Variants in LRIT3 observed in about 807,000 individuals in gnomAD.
LRIT3 encodes the protein leucine-rich repeat, immunoglobulin-like domain and transmembrane domain-containing protein 3.
Under a neutral mutation model 22.6 loss-of-function variants are expected in LRIT3, and 14 were observed. The observed-to-expected ratio is 0.62, with a 90% CI of 0.41 to 0.97. The LOEUF is 0.97. Ranked by LOEUF, LRIT3 falls within the 50% of genes least tolerant of loss-of-function variation. LRIT3 has a pLI of 0.00. For synonymous variants in LRIT3, 306 were observed against 304.5 expected (o/e 1.01, Z -0.05); for missense variants, 783 against 803.0 (o/e 0.98, Z 0.30).
chr4:109,861,231 G>A (rs113344938), intron 2 of LRIT3, among the ~76,000 whole-genome samples: 21 of 152,006 alleles, frequency 1.4e-4, no homozygotes, highest in African/African-American at 4.8e-4. Flanking sequence ...TTAGCCAGGT[G>A]TGGTGGTGCA....
rs142911827 is a variant in LRIT3, at chr4:109,861,133, C to T, written c.590-6508C>T. Among the ~76,000 whole-genome samples the T allele has an allele frequency of 4.9e-3, 738 of 152,114 alleles. 9 individuals are homozygous for T. The highest frequency in any genetic ancestry group is 0.017 in the African/African-American group (702 of 41,502). ...CCTGTAATCCCAACACTTTGGGAGG[C>T]GAAGGCAGGCAGATCACTTTTAGTC... On this transcript the variant is annotated intron_variant, in intron 2 of 3. Coordinates refer to ENST00000594814, the MANE Select transcript of LRIT3 (RefSeq NM_198506.5).
chr4:109,856,752 A>T (rs1354226190), intron 2 of LRIT3, among the ~76,000 whole-genome samples: 1 of 152,140 alleles, frequency 6.6e-6, no homozygotes, highest in Non-Finnish European at 1.5e-5. Flanking sequence ...TTTGTCTTAG[A>T]TCATTAATTT....
chr4:109,868,277 G>T (rs1403871657), intron 3 of LRIT3, among the ~76,000 whole-genome samples: 3 of 152,048 alleles, frequency 2.0e-5, no homozygotes, highest in Non-Finnish European at 4.4e-5. Flanking sequence ...TTTTTAAAAA[G>T]GGCCTTTTGC....
At chr4:109,864,713 C>T (rs1295447587) in intron 2 of LRIT3, among the ~76,000 whole-genome samples, 4 of 152,108 alleles carry the variant, frequency 2.6e-5, no homozygotes, top group Non-Finnish European at 5.9e-5. Flanking sequence ...AAATAAACTA[C>T]TGAAAGGATT....
chr4:109,857,415 G>C (rs745459289), intron 2 of LRIT3, among the ~76,000 whole-genome samples: 25 of 152,142 alleles, frequency 1.6e-4, no homozygotes, highest in Non-Finnish European at 3.4e-4. Flanking sequence ...TGTGGAAATA[G>C]TAGTGTAAAT....
chr4:109,853,293 C>CA (rs1181301333), intron 2 of LRIT3, among the ~76,000 whole-genome samples: 4 of 152,184 alleles, frequency 2.6e-5, no homozygotes, highest in African/African-American at 9.6e-5. Context: ...CATGAGATTA[C>CA]ATCTCATTGT....
chr4:109,855,097 C>G (rs1251872936), intron 2 of LRIT3, among the ~76,000 whole-genome samples: 3 of 149,944 alleles, frequency 2.0e-5, no homozygotes, highest in Non-Finnish European at 4.5e-5. Context: ...AAATGAATTC[C>G]TGTTTTTCTT....
In LRIT3 at chr4:109,870,201, T is replaced by A; in HGVS notation, c.1452T>A (p.Asn484Lys). 6.2e-7 allele frequency: 1 copy of A among 1,614,170 alleles called. No individual in the cohort carries two copies. Among genetic ancestry groups the A allele is most frequent in the East Asian group, 2.2e-5 (1 of 44,886 alleles). ...LLDQTMLTET[N>K]AAIENLRVVS... Reference sequence around the variant, plus strand: ...ATCAAACAATGCTTACGGAGACAAATGCCGCAATAGAAAACCTCAGGGTGG... The same window carrying A: ...ATCAAACAATGCTTACGGAGACAAAAGCCGCAATAGAAAACCTCAGGGTGG... The change falls in exon 4 of 4, where the codon AAT becomes AAA. Residue 484 changes from asparagine to lysine, a missense_variant. Physicochemically the swap from Asn to Lys is moderately conservative, Grantham distance 94 (BLOSUM62 0). Around this residue, in one of 2 missense-constraint regions of LRIT3, gnomAD observed 756 missense variants for 753.8 expected, o/e 1.00. Transcript: ENST00000594814.
Position 109,870,904 on chromosome 4 carries a change from G to A in LRIT3, c.*115G>A. On this transcript the variant is annotated 3_prime_UTR_variant, in exon 4 of 4. Coordinates refer to ENST00000594814, the MANE Select transcript of LRIT3 (RefSeq NM_198506.5). ...CACATTGTACATGAAAATCACAAAT[G>A]GAATGCTTTTAAGTATGTTTAAAAA... 1 of 1,067,200 alleles carries A rather than the reference G, an allele frequency of 9.4e-7. No individual in the cohort carries two copies. Among genetic ancestry groups the A allele is most frequent in the South Asian group, 2.4e-5 (1 of 40,940 alleles). The allele number at this position is 1,067,200 out of a possible 1,614,324, so 66.1% of individuals were successfully genotyped here.
intron 2 of LRIT3, among the ~76,000 whole-genome samples, chr4:109,856,020 C>T (rs1355759961): frequency 6.6e-6 from 1 of 152,154 alleles, no homozygotes; most frequent in African/African-American, 2.4e-5. Context: ...TTTATAGGCT[C>T]TCCACAAGGG....
intron 2 of LRIT3, 106 bp from the exon 3 acceptor site, chr4:109,867,535 T>A: frequency 1.9e-6 from 2 of 1,064,548 alleles, no homozygotes; most frequent in South Asian, 3.1e-5. Flanking sequence ...CTCAAAGCAC[T>A]TCTGTTTATA....
intron 2 of LRIT3, 57 bp from the exon 3 acceptor site, chr4:109,867,583 GA>G: frequency 7.5e-7 from 1 of 1,336,020 alleles, no homozygotes; most frequent in Non-Finnish European, 1.0e-6. Flanking sequence ...CAAGAGGCAG[GA>G]TGTAAACTGA....
Position 109,867,945 on chromosome 4 carries a change from A to G in LRIT3, c.894A>G (p.Thr298=). ...CTGACAGCTCGCCAGTTAATTATAC[A>G]GGTATTTTCTTAATTCAGCCCCATG... ...TRSDSSPVNY[T]VIQESPEEGV... The change falls in exon 3 of 4, where the codon ACA becomes ACG. Residue 298 remains threonine (T), a splice_region_variant and synonymous_variant. Transcript: ENST00000594814. The G allele has an allele frequency of 6.2e-7, 1 of 1,605,100 alleles. No individual in the cohort carries two copies. Among genetic ancestry groups the G allele is most frequent in the Non-Finnish European group, 8.5e-7 (1 of 1,174,132 alleles).
At chr4:109,858,178 G>C (rs1734449810) in intron 2 of LRIT3, among the ~76,000 whole-genome samples, 1 of 152,112 alleles carries the variant, frequency 6.6e-6, no homozygotes, top group Non-Finnish European at 1.5e-5. Flanking sequence ...GTCCATCCAT[G>C]TCATGGCTCG....
chr4:109,848,462 T>G, intron 1 of LRIT3, 145 bp downstream of exon 1: 1 of 429,234 alleles, frequency 2.3e-6, no homozygotes, highest in Non-Finnish European at 3.9e-6. Context: ...AACTTAATTG[T>G]TTTAACACTG....
In LRIT3 at chr4:109,871,983, T is replaced by A. The variant is rs56285361; in HGVS notation, c.*1194T>A. On this transcript the variant is annotated 3_prime_UTR_variant, in exon 4 of 4. Transcript: ENST00000594814. ...CCACTCAAGCATCTCACAGTGGTGA[T>A]ATTACATGTCACTTAGCAGGATGCA... 6,532 of 152,302 alleles carry A rather than the reference T, an allele frequency of 0.043. 440 individuals are homozygous for A. Among genetic ancestry groups the A allele is most frequent in the African/African-American group, 0.14 (5,974 of 41,528 alleles). The allele number at this position is 152,302 out of a possible 1,614,324, so 9.4% of individuals were successfully genotyped here. A position where few individuals can be genotyped will look rare whatever the true frequency, so the allele number is the denominator to read the frequency against.
Position 109,869,821 on chromosome 4 carries a change from T to C in LRIT3, c.1072T>C (p.Ser358Pro). The C allele has an allele frequency of 6.2e-7, 1 of 1,613,980 alleles. No homozygotes were observed. The highest frequency in any genetic ancestry group is 8.5e-7 in the Non-Finnish European group (1 of 1,179,886). Residue 358 changes from serine (S) to proline (P), a missense_variant, in exon 4 of 4, where the codon TCT (serine) becomes CCT (proline). Ser to Pro is a moderately conservative substitution (Grantham distance 74). Transcript: ENST00000594814. ...ITTTPIPPDT[S>P]ERTGDHPEWD... ...CACAACTCCAATACCACCAGACACT[T>C]CTGAAAGAACTGGAGATCATCCTGA...
chr4:109,860,665 A>T (rs1734514601), intron 2 of LRIT3, among the ~76,000 whole-genome samples: 1 of 152,256 alleles, frequency 6.6e-6, no homozygotes, highest in Non-Finnish European at 1.5e-5. Flanking sequence ...TCATCAAGAT[A>T]CAGAATATTT....
At chr4:109,866,639 C>A (rs1484481454) in intron 2 of LRIT3, among the ~76,000 whole-genome samples, 2 of 152,146 alleles carry the variant, frequency 1.3e-5, no homozygotes, top group African/African-American at 4.8e-5. Flanking sequence ...CTTAGGTAGA[C>A]CACATTGCAT....
Sources: allele counts gnomAD v4.1 joint callset (sites outside exome capture counted in the v4.1 genomes callset), GRCh38; gene constraint gnomAD v4.1.1; regional missense constraint gnomAD v4.1.1; transcripts MANE v1.5; gene names NCBI Gene and HGNC (gene_info 2026-07-23, HGNC 2026-07-21).